Variants in UBE3D observed in about 807,000 individuals in gnomAD.
The protein encoded by UBE3D is ubiquitin protein ligase E3D, also known as E3 ubiquitin-protein ligase E3D.
Under a neutral mutation model 49.6 loss-of-function variants are expected in UBE3D, and 48 were observed. That is an observed-to-expected ratio of 0.97 (90% CI 0.77 to 1.23). The LOEUF is 1.23. Ranked by LOEUF, UBE3D falls within the 50% of genes most tolerant of loss-of-function variation. UBE3D has a pLI of 0.00. For missense variants in UBE3D, 452 were observed against 468.4 expected, an observed-to-expected ratio of 0.96 and a Z score of 0.32; for synonymous variants, 189 against 174.2, an observed-to-expected ratio of 1.08 and a Z score of -0.67.
At chr6:82,928,660 AAGGG>A (rs1348454570) in intron 9 of UBE3D, among the ~76,000 whole-genome samples, 2 of 152,196 alleles carry the variant, frequency 1.3e-5, no homozygotes, top group African/African-American at 4.8e-5. Flanking sequence ...AAAGAAGCAC[AAGGG>A]AGCTTCTAAA....
At chr6:82,919,580 A>G (rs940555203) in intron 9 of UBE3D, among the ~76,000 whole-genome samples, 54 of 152,162 alleles carry the variant, frequency 3.5e-4, no homozygotes, top group African/African-American at 1.3e-3. Flanking sequence ...TGGGCGACAC[A>G]GCAAGACTCA....
At chr6:82,886,918 A>G in the UBE3D span, among the ~76,000 whole-genome samples, 2 of 152,128 alleles carry the variant, frequency 1.3e-5, no homozygotes, top group African/African-American at 2.4e-5. Flanking sequence ...TATTTCAAGA[A>G]TTTTTTTAAC....
chr6:83,032,167 C>G (rs1582694776), intron 5 of UBE3D: 1 of 455,764 alleles, frequency 2.2e-6, no homozygotes, highest in East Asian at 6.9e-5. Flanking sequence ...GATCCATAGA[C>G]AGCTTACACC....
intron 8 of UBE3D, among the ~76,000 whole-genome samples, chr6:82,976,764 T>C (rs1227230191): frequency 2.0e-5 from 3 of 152,126 alleles, no homozygotes; most frequent in African/African-American, 7.2e-5. Context: ...AGTCTCCAGG[T>C]TCTTCTAAGT....
the UBE3D span, among the ~76,000 whole-genome samples, chr6:82,886,129 T>C: frequency 6.6e-6 from 1 of 152,214 alleles, no homozygotes; most frequent in South Asian, 2.1e-4. Context: ...GAACACTTTA[T>C]GTCTGTGTAA....
At chr6:83,059,686 A>G (rs1366280758) in intron 1 of UBE3D, among the ~76,000 whole-genome samples, 6 of 152,186 alleles carry the variant, frequency 3.9e-5, no homozygotes, top group African/African-American at 1.2e-4. Context: ...GAGAAGCATC[A>G]TTGCAAGGGT....
At chr6:83,026,325 C>T (rs1466886501) in intron 5 of UBE3D, among the ~76,000 whole-genome samples, 1 of 152,038 alleles carries the variant, frequency 6.6e-6, no homozygotes, top group Non-Finnish European at 1.5e-5. Flanking sequence ...GTGGCATGTG[C>T]CTGTAGTTCC....
intron 5 of UBE3D, among the ~76,000 whole-genome samples, chr6:83,025,630 C>A (rs1781401127): frequency 6.6e-6 from 1 of 152,088 alleles, no homozygotes; most frequent in Admixed American, 6.5e-5. Context: ...CGCCTGTAAT[C>A]CCAGCACTTT....
chr6:82,934,345 C>T lies in UBE3D; in HGVS notation c.1149+22967G>A, dbSNP rs564104476. Among the ~76,000 whole-genome samples, 30 of 152,272 alleles carry T rather than the reference C, an allele frequency of 2.0e-4. 1 individual carries two copies. The South Asian group carries it at 6.2e-3, about 32-fold the overall frequency. Reference sequence around the variant, plus strand: ...TGAGAATGGACTAATACAATGAGGACATTAAACACAGCTTGTAAATCTTTT... The same window carrying T: ...TGAGAATGGACTAATACAATGAGGATATTAAACACAGCTTGTAAATCTTTT... On this transcript the variant is annotated intron_variant, in intron 9 of 9. Transcript: ENST00000369747.
Position 83,054,170 on chromosome 6 carries a change from C to T in UBE3D, c.343G>A (p.Gly115Ser), listed in dbSNP as rs772009043. The T allele has an allele frequency of 1.4e-5, 23 of 1,613,606 alleles. No homozygotes were observed. Among genetic ancestry groups the T allele is most frequent in the South Asian group, 6.6e-5 (6 of 91,070 alleles). Reference sequence around the variant, plus strand: ...TACCTGTCTTTTATTATGACTTCACCGCAGGATTGGCAATAAAACGTGCAA... The same window carrying T: ...TACCTGTCTTTTATTATGACTTCACTGCAGGATTGGCAATAAAACGTGCAA... ...ECCTFYCQSCGEVIIKDRKLL... is the reference protein window; with the variant it reads ...ECCTFYCQSCSEVIIKDRKLL... The change falls in exon 3 of 10, where the codon GGT becomes AGT. Residue 115 changes from glycine (G) to serine (S), a missense_variant. Coordinates refer to ENST00000369747, the MANE Select transcript of UBE3D (RefSeq NM_198920.3).
intron 3 of UBE3D, among the ~76,000 whole-genome samples, chr6:83,045,200 C>G (rs750704759): frequency 6.6e-6 from 1 of 152,040 alleles, no homozygotes; most frequent in Non-Finnish European, 1.5e-5. Context: ...ATGATAAGCA[C>G]AAACTATATG....
At chr6:83,012,357 T>C (rs6905767) in intron 8 of UBE3D, among the ~76,000 whole-genome samples, 2 of 151,958 alleles carry the variant, frequency 1.3e-5, no homozygotes, top group Non-Finnish European at 2.9e-5. Flanking sequence ...TGGTGCCATA[T>C]CAAGGGCTCA....
intron 3 of UBE3D, among the ~76,000 whole-genome samples, chr6:83,046,437 G>C (rs868560421): frequency 4.6e-5 from 7 of 152,084 alleles, no homozygotes; most frequent in Middle Eastern, 3.4e-3. Context: ...TGCACCATTG[G>C]TATCATCAAA....
intron 8 of UBE3D, among the ~76,000 whole-genome samples, chr6:82,961,388 T>C (rs1436678570): frequency 1.3e-5 from 2 of 152,188 alleles, no homozygotes; most frequent in African/African-American, 2.4e-5. Context: ...ACTTTAGTTA[T>C]ATTTGTTGTC....
At chr6:82,980,252 C>CT (rs1042907995) in intron 8 of UBE3D, among the ~76,000 whole-genome samples, 9 of 151,820 alleles carry the variant, frequency 5.9e-5, no homozygotes, top group South Asian at 2.1e-4. Flanking sequence ...AACATCTGTT[C>CT]TTTTTTTTGA....
chr6:82,981,493 G>A (rs1374066883), intron 8 of UBE3D, among the ~76,000 whole-genome samples: 1 of 151,908 alleles, frequency 6.6e-6, no homozygotes, highest in Admixed American at 6.6e-5. Flanking sequence ...CAAGACCAAT[G>A]CCTCCTATAA....
intron 9 of UBE3D, among the ~76,000 whole-genome samples, chr6:82,946,347 G>C (rs962036254): frequency 6.6e-6 from 1 of 151,770 alleles, no homozygotes; most frequent in Admixed American, 6.6e-5. Context: ...AGGAGAGAGT[G>C]GCATGACCTA....
intron 4 of UBE3D, among the ~76,000 whole-genome samples, chr6:83,040,463 G>C (rs1156839366): frequency 6.6e-6 from 1 of 151,794 alleles, no homozygotes; most frequent in East Asian, 1.9e-4. Flanking sequence ...ATTCATACTG[G>C]GGTCTTTCTC....
downstream of UBE3D, among the ~76,000 whole-genome samples, chr6:82,889,580 C>A (rs1356264044): frequency 6.6e-6 from 1 of 151,930 alleles, no homozygotes; most frequent in African/African-American, 2.4e-5. Flanking sequence ...ATATATGGTA[C>A]TATACAGTAT....
Sources: allele counts gnomAD v4.1 joint callset (sites outside exome capture counted in the v4.1 genomes callset), GRCh38; gene constraint gnomAD v4.1.1; transcripts MANE v1.5; gene names NCBI Gene and HGNC (gene_info 2026-07-23, HGNC 2026-07-21).